Variants in MKLN1 observed in about 807,000 individuals in gnomAD.
The protein encoded by MKLN1 is muskelin.
MKLN1 carries 18 observed loss-of-function variants against 99.0 expected under a neutral mutation model. The observed-to-expected ratio is 0.18, with a 90% CI of 0.13 to 0.27. The LOEUF is 0.27. Ranked by LOEUF, MKLN1 falls within the 10% of genes least tolerant of loss-of-function variation. MKLN1 has a pLI of 1.00. For synonymous variants in MKLN1, 288 were observed against 293.2 expected (o/e 0.98, Z 0.18); for missense variants, 621 against 875.9 (o/e 0.71, Z 3.67).
At chr7:131,257,435 A>G (rs1235398677) in intron 3 of MKLN1, among the ~76,000 whole-genome samples, 1 of 152,206 alleles carries the variant, frequency 6.6e-6, no homozygotes, top group African/African-American at 2.4e-5. Context: ...ACCAAAACTT[A>G]TGGGAAGCCT....
intron 3 of MKLN1, among the ~76,000 whole-genome samples, chr7:131,235,304 T>C (rs1396704928): frequency 1.3e-5 from 2 of 148,544 alleles, no homozygotes; most frequent in African/African-American, 5.1e-5. Flanking sequence ...ACTGTGTGTG[T>C]GTGTGTATGT....
chr7:131,262,763 A>C (rs576164435), intron 3 of MKLN1, among the ~76,000 whole-genome samples: 20 of 151,974 alleles, frequency 1.3e-4, no homozygotes, highest in East Asian at 3.9e-4. Context: ...GTTGGCCAGG[A>C]TGGTCTCCAT....
intron 2 of MKLN1, among the ~76,000 whole-genome samples, chr7:131,170,087 TGAAA>T (rs1464504368): frequency 6.6e-6 from 1 of 152,034 alleles, no homozygotes; most frequent in Non-Finnish European, 1.5e-5. Flanking sequence ...CCTATCTTTA[TGAAA>T]GAAAGAGAGA....
At chr7:131,184,849 C>T (rs1273582956) in intron 2 of MKLN1, among the ~76,000 whole-genome samples, 1 of 152,094 alleles carries the variant, frequency 6.6e-6, no homozygotes, top group African/African-American at 2.4e-5. Context: ...TAAAGATGCA[C>T]ACACCCAGCC....
intron 17 of MKLN1, 27 bp downstream of exon 17, chr7:131,478,704 G>T: frequency 6.2e-7 from 1 of 1,605,982 alleles, no homozygotes. Context: ...AATTTATCCA[G>T]CTAGATGCCC....
intron 1 of MKLN1, among the ~76,000 whole-genome samples, chr7:131,374,082 T>C (rs2116843043): frequency 6.6e-6 from 1 of 152,310 alleles, no homozygotes; most frequent in South Asian, 2.1e-4. Flanking sequence ...GGCCTGTCAT[T>C]CTCTGTGACC....
chr7:131,134,198 T>C (rs77750268), intron 1 of MKLN1, among the ~76,000 whole-genome samples: 2,016 of 152,254 alleles, frequency 0.013, 44 homozygotes, highest in African/African-American at 0.041. Context: ...ATCTTATACC[T>C]GGTCTGACCC....
chr7:131,144,232 T>TA (rs1368921107), intron 2 of MKLN1, among the ~76,000 whole-genome samples: 3 of 152,080 alleles, frequency 2.0e-5, no homozygotes, highest in Non-Finnish European at 4.4e-5. Context: ...CTCACACCTA[T>TA]AATCCCAGCA....
intron 3 of MKLN1, among the ~76,000 whole-genome samples, chr7:131,277,415 C>T (rs955558540): frequency 1.3e-5 from 2 of 151,970 alleles, no homozygotes; most frequent in Non-Finnish European, 2.9e-5. Context: ...TCCTGAGTAG[C>T]TAGGATTACC....
In MKLN1 at chr7:131,355,630, A is replaced by ATG. The variant is rs548446975; in HGVS notation, c.99-19793_99-19792insGT. ...GCTCTGATTTCTTTAACTTGATACT[A>ATG]TATATATATATATATATATGCTTTA... is the stretch of plus-strand genomic sequence containing the variant. On this transcript the variant is annotated intron_variant, in intron 1 of 17. Coordinates refer to ENST00000352689, the MANE Select transcript of MKLN1 (RefSeq NM_013255.5). 7.0e-3 allele frequency among the ~76,000 whole-genome samples: 410 copies of ATG among 58,222 alleles called. 2 individuals carry two copies. The highest frequency in any genetic ancestry group is 0.012 in the Non-Finnish European group (301 of 25,104). 38.2% of individuals were successfully genotyped at this position (58,222 alleles called of 152,430 possible).
intron 2 of MKLN1, among the ~76,000 whole-genome samples, chr7:131,379,227 C>T (rs1793765736): frequency 6.6e-6 from 1 of 152,148 alleles, no homozygotes; most frequent in South Asian, 2.1e-4. Context: ...AGGCCTCAGG[C>T]ATTCTCCACA....
rs1344432139 is a variant in MKLN1, at chr7:131,487,681, A to G, written c.2161A>G (p.Ser721Gly). The stretch of plus-strand genomic sequence containing the variant: ...CACCTTAGTAAATTTCTTTCCTGAC[A>G]GCATGACTCCTCCTAAAGGCAACCT... ...FDTLVNFFPDSMTPPKGNLVD... is the reference protein window; with the variant it reads ...FDTLVNFFPDGMTPPKGNLVD... Residue 721 changes from serine (S) to glycine (G), a missense_variant, in exon 18 of 18, where the codon AGC (serine) becomes GGC (glycine). By Grantham distance (56) the Ser-to-Gly change is moderately conservative. Transcript: ENST00000352689. This position sits in a 1 kb window ranked among gnomAD's most constrained non-coding sequence, Gnocchi z 4.7. 1.9e-6 allele frequency: 3 copies of G among 1,613,122 alleles called. No individual in the cohort carries two copies. The highest frequency in any genetic ancestry group is 1.6e-4 in the Middle Eastern group (1 of 6,076).
Position 131,466,359 on chromosome 7 carries a change from T to C in MKLN1, c.1872T>C (p.Cys624=). Residue 624 remains cysteine, a synonymous_variant, in exon 15 of 18, where the codon TGT becomes TGC. Coordinates refer to ENST00000352689, the MANE Select transcript of MKLN1 (RefSeq NM_013255.5). ...ATGACTTCTGGTCACTGAAGTTGTGTAGACCTTCAAAAGATTATTTACTGA... is the reference window on the plus strand; with the variant it reads ...ATGACTTCTGGTCACTGAAGTTGTGCAGACCTTCAAAAGATTATTTACTGA... ...RLDDFWSLKL[C]RPSKDYLLRH... 6.2e-7 allele frequency: 1 copy of C among 1,604,976 alleles called. No individual in the cohort carries two copies. The highest frequency in any genetic ancestry group is 2.2e-5 in the East Asian group (1 of 44,722).
chr7:131,337,592 C>T (rs1044942026), intron 1 of MKLN1, among the ~76,000 whole-genome samples: 1 of 151,778 alleles, frequency 6.6e-6, no homozygotes, highest in African/African-American at 2.4e-5. Flanking sequence ...AATCTCTTGT[C>T]ATGTATTTTT....
At chr7:131,143,609 T>C (rs1225381978) in intron 2 of MKLN1, among the ~76,000 whole-genome samples, 1 of 152,194 alleles carries the variant, frequency 6.6e-6, no homozygotes, top group Non-Finnish European at 1.5e-5. Context: ...AAGGATTGCT[T>C]GAGGCTGGAA....
intron 3 of MKLN1, among the ~76,000 whole-genome samples, chr7:131,251,833 G>T (rs150583718): frequency 1.4e-4 from 21 of 151,886 alleles, no homozygotes; most frequent in African/African-American, 5.1e-4. Context: ...CCATGCCCAA[G>T]AAATTCTTGT....
At chr7:131,362,848 A>G (rs1456379117) in intron 1 of MKLN1, among the ~76,000 whole-genome samples, 2 of 151,960 alleles carry the variant, frequency 1.3e-5, no homozygotes, top group East Asian at 3.9e-4. Flanking sequence ...TCTGAAAAAA[A>G]AACTCTTCTC....
chr7:131,357,033 C>T (rs1799905464), intron 1 of MKLN1, among the ~76,000 whole-genome samples: 1 of 152,178 alleles, frequency 6.6e-6, no homozygotes, highest in African/African-American at 2.4e-5. Context: ...AACCAAGTGC[C>T]AGTTACCCTA....
intron 1 of MKLN1, among the ~76,000 whole-genome samples, chr7:131,340,026 A>G (rs1414408835): frequency 6.6e-6 from 1 of 151,884 alleles, no homozygotes; most frequent in Non-Finnish European, 1.5e-5. Context: ...ACAACCCTGG[A>G]TATGTTTCTT....
Sources: gnomAD v4.1 joint callset for allele counts (sites outside exome capture counted in the v4.1 genomes callset) on GRCh38, gnomAD v4.1.1 for gene constraint, Gnocchi (gnomAD v3.1) non-coding constraint, MANE v1.5 for transcripts, NCBI Gene and HGNC (gene_info 2026-07-23, HGNC 2026-07-21) for gene names.